Variants in BDP1 observed in about 807,000 individuals in gnomAD.
BDP1 encodes BDP1 general transcription factor IIIB subunit.
BDP1 carries 169 observed loss-of-function variants against 266.6 expected under a neutral mutation model. That is an observed-to-expected ratio of 0.63 (90% CI 0.56 to 0.72). BDP1 has a LOEUF of 0.72. Among genes scored for constraint, BDP1 ranks in the 30% least tolerant of loss-of-function variants. The pLI is 0.00. For missense variants in BDP1, 3,015 were observed against 3,053.8 expected (o/e 0.99, Z 0.30); for synonymous variants, 1,090 against 1,022.4 (o/e 1.07, Z -1.26).
intron 34 of BDP1, among the ~76,000 whole-genome samples, chr5:71,552,408 C>T (rs571440200): frequency 3.9e-5 from 6 of 152,210 alleles, no homozygotes; most frequent in African/African-American, 1.4e-4. Flanking sequence ...TCCTCACATC[C>T]CAGACGATGG....
chr5:71,513,229 C>G lies in BDP1; in HGVS notation c.4292C>G (p.Ala1431Gly). 1.2e-6 allele frequency: 2 copies of G among 1,613,788 alleles called. No individual in the cohort carries two copies. Among genetic ancestry groups the G allele is most frequent in the Non-Finnish European group, 1.7e-6 (2 of 1,179,994 alleles). ...CAGAAGCCACTTGAAATTAAACCAG[C>G]ACCTTTTGTGAGGAGCCGATTCAAA... ...QEQKPLEIKP[A>G]PFVRSRFKRP... Residue 1431 changes from alanine (A) to glycine (G), a missense_variant, in exon 19 of 39, where the codon GCA becomes GGA. Transcript: ENST00000358731.
chr5:71,561,893 A>G (rs537513373), intron 37 of BDP1, among the ~76,000 whole-genome samples: 2 of 152,238 alleles, frequency 1.3e-5, no homozygotes, highest in Admixed American at 1.3e-4. Context: ...GCTGTTTTTG[A>G]GCTCCTGGCC....
At position 71,513,216 on chromosome 5, in the gene BDP1, G is replaced by C. The variant is rs755463568; in HGVS notation, c.4279G>C (p.Glu1427Gln). 1 of 1,613,150 alleles carries C rather than the reference G, an allele frequency of 6.2e-7. No homozygotes were observed. The highest frequency in any genetic ancestry group is 8.5e-7 in the Non-Finnish European group (1 of 1,179,880). Residue 1427 changes from glutamate (E) to glutamine (Q), a missense_variant, in exon 19 of 39, where the codon GAA becomes CAA. Transcript: ENST00000358731. ...TCTTCCTCAAGAACAGAAGCCACTTGAAATTAAACCAGCACCTTTTGTGAG... is the reference window on the plus strand; with the variant it reads ...TCTTCCTCAAGAACAGAAGCCACTTCAAATTAAACCAGCACCTTTTGTGAG... ...KSLPQEQKPL[E>Q]IKPAPFVRSR...
At chr5:71,508,111 C>T (rs762603369) in intron 16 of BDP1, among the ~76,000 whole-genome samples, 6 of 151,808 alleles carry the variant, frequency 4.0e-5, no homozygotes, top group Admixed American at 1.3e-4. Flanking sequence ...ATTACAGGCG[C>T]GTGCCACCAC....
At chr5:71,459,996 A>C (rs918402803) in intron 2 of BDP1, among the ~76,000 whole-genome samples, 4 of 152,242 alleles carry the variant, frequency 2.6e-5, no homozygotes, top group African/African-American at 9.6e-5. Context: ...TCTGGTCTCA[A>C]GTATTTCAGA....
At chr5:71,522,679 T>C in intron 23 of BDP1, 77 bp from the exon 24 acceptor site, 1 of 1,404,448 alleles carries the variant, frequency 7.1e-7, no homozygotes, top group African/African-American at 1.4e-5. Flanking sequence ...CTTAGAGGTT[T>C]AGGCCAAACT....
chr5:71,547,886 G>A (rs2111887550), intron 32 of BDP1, among the ~76,000 whole-genome samples: 1 of 152,220 alleles, frequency 6.6e-6, no homozygotes, highest in African/African-American at 2.4e-5. Flanking sequence ...AGGCAGAGGG[G>A]CGGAGGTTGC....
chr5:71,556,191 G>T (rs1743206555), intron 35 of BDP1, among the ~76,000 whole-genome samples: 2 of 152,024 alleles, frequency 1.3e-5, no homozygotes, highest in African/African-American at 2.4e-5. Flanking sequence ...TAATTTTTCA[G>T]TTGGTTCTCT....
At chr5:71,471,590 C>T (rs1762257926) in intron 7 of BDP1, among the ~76,000 whole-genome samples, 1 of 152,196 alleles carries the variant, frequency 6.6e-6, no homozygotes, top group Non-Finnish European at 1.5e-5. Context: ...GCACTAATAA[C>T]AACAGTGATG....
At position 71,524,008 on chromosome 5, in the gene BDP1, T is replaced by C; in HGVS notation, c.5457T>C (p.Ser1819=). The C allele has an allele frequency of 1.9e-6, 3 of 1,614,210 alleles. No individual in the cohort carries two copies. In the East Asian group the frequency reaches 6.7e-5, roughly 36 times the overall value. Residue 1819 remains serine, a synonymous_variant, in exon 25 of 39, where the codon TCT becomes TCC. Coordinates refer to ENST00000358731, the MANE Select transcript of BDP1 (RefSeq NM_018429.3). The part of the protein sequence containing the change: ...IALDGKTTIS[S]TSEYERNRGE... ...TGGATGGGAAAACAACTATCTCTTCTACATCTGAGTATGAGAGAAATCGTG... is the reference window on the plus strand; with the variant it reads ...TGGATGGGAAAACAACTATCTCTTCCACATCTGAGTATGAGAGAAATCGTG...
intron 4 of BDP1, among the ~76,000 whole-genome samples, chr5:71,464,715 G>GTTTTTTTTTTTT: frequency 1.1e-5 from 1 of 88,060 alleles, no homozygotes; most frequent in Non-Finnish European, 2.2e-5. Flanking sequence ...AAATTTTTTA[G>GTTTTTTTTTTTT]TTTTTTTTTT....
At chr5:71,492,732 G>A (rs1763666834) in intron 11 of BDP1, among the ~76,000 whole-genome samples, 1 of 152,038 alleles carries the variant, frequency 6.6e-6, no homozygotes, top group Admixed American at 6.6e-5. Context: ...AAGTTTTTTA[G>A]TTCAATGTAG....
chr5:71,461,903 T>C lies in BDP1; in HGVS notation c.576T>C (p.Tyr192=). 6.4e-7 allele frequency: 1 copy of C among 1,562,528 alleles called. No individual in the cohort carries two copies. Among genetic ancestry groups the C allele is most frequent in the South Asian group, 1.1e-5 (1 of 88,282 alleles). ...TGACTATGAGAGACTTCATATATTA[T>C]CTACCAGATAATAATCCAATGACGT... The part of the protein sequence containing the change: ...SKMTMRDFIY[Y]LPDNNPMTSS... Residue 192 remains tyrosine (Y), a synonymous_variant, in exon 3 of 39, where the codon TAT becomes TAC. Transcript: ENST00000358731.
chr5:71,517,088 A>G (rs1012603035), intron 21 of BDP1, among the ~76,000 whole-genome samples: 10 of 152,138 alleles, frequency 6.6e-5, no homozygotes, highest in African/African-American at 2.4e-4. Context: ...TTAACCACCC[A>G]TGGTGGTATC....
At chr5:71,484,384 A>G (rs1466969537) in intron 8 of BDP1, among the ~76,000 whole-genome samples, 1 of 152,154 alleles carries the variant, frequency 6.6e-6, no homozygotes, top group South Asian at 2.1e-4. Flanking sequence ...CTTAAGTCTG[A>G]TTGGATGGCG....
chr5:71,513,812 C>T (rs551186845), intron 19 of BDP1, among the ~76,000 whole-genome samples: 3 of 152,060 alleles, frequency 2.0e-5, no homozygotes, highest in African/African-American at 4.8e-5. Context: ...TTCCACCTCC[C>T]AGGTTCAAGC....
chr5:71,524,327 C>T lies in BDP1; in HGVS notation c.5772+4C>T, dbSNP rs767537182. 1.5e-5 allele frequency: 23 copies of T among 1,567,074 alleles called. No homozygotes were observed. The highest frequency in any genetic ancestry group is 4.7e-5 in the South Asian group (4 of 84,770). ...GATTGAGGAAACAATGGAAGAGGTT[C>T]GGTTTTTTTTTAAAACCTTGGTACT... is the stretch of plus-strand genomic sequence containing the variant. On this transcript the variant is annotated splice_donor_region_variant and intron_variant, in intron 25 of 38. Transcript: ENST00000358731.
chr5:71,511,047 A>G lies in BDP1; in HGVS notation c.3955A>G (p.Arg1319Gly). ...AACTGGAAAAACAGACATTTCTCCA[A>G]GGGAAAACGAGCTAGAGGAGACCAG... ...KQTGKTDISP[R>G]ENELEETSTS... Residue 1319 changes from arginine (R) to glycine (G), a missense_variant, in exon 17 of 39, where the codon AGG (arginine) becomes GGG (glycine). By Grantham distance (125) the Arg-to-Gly change is moderately radical. This residue lies in a region of BDP1 where 2,383 missense variants were observed against 2,404.9 expected (regional missense o/e 0.99). Transcript: ENST00000358731. 1 of 1,614,174 alleles carries G rather than the reference A, an allele frequency of 6.2e-7. No homozygotes were observed. Among genetic ancestry groups the G allele is most frequent in the Non-Finnish European group, 8.5e-7 (1 of 1,180,032 alleles).
intron 6 of BDP1, 71 bp downstream of exon 6, chr5:71,467,558 A>T: frequency 7.6e-7 from 1 of 1,321,504 alleles, no homozygotes; most frequent in African/African-American, 1.5e-5. Context: ...GAATTAAATC[A>T]GTTCTCCCCT....
Sources: gnomAD v4.1 joint callset for allele counts (sites outside exome capture counted in the v4.1 genomes callset) on GRCh38, gnomAD v4.1.1 for gene constraint, gnomAD v4.1.1 regional missense constraint, MANE v1.5 for transcripts, NCBI Gene and HGNC (gene_info 2026-07-23, HGNC 2026-07-21) for gene names.